Variants in TJP1 observed in about 807,000 individuals in gnomAD.
TJP1 encodes tight junction protein ZO-1.
Under a neutral mutation model 194.2 loss-of-function variants are expected in TJP1, and 43 were observed. The ratio of observed to expected loss-of-function variants is 0.22; its 90% CI spans 0.17 to 0.29. The LOEUF (loss-of-function observed/expected upper bound fraction) is 0.29, where lower values mean the gene tolerates loss of function less well. TJP1 is among the 10% of genes least tolerant of loss of function. TJP1 has a pLI of 1.00. For missense variants in TJP1, 1,971 were observed against 2,185.7 expected (o/e 0.90, Z 1.96); for synonymous variants, 801 against 779.0 (o/e 1.03, Z -0.47).
At chr15:29,773,910 A>T (rs1044609394) in intron 2 of TJP1, among the ~76,000 whole-genome samples, 17 of 152,250 alleles carry the variant, frequency 1.1e-4, no homozygotes, top group African/African-American at 4.1e-4. Flanking sequence ...CTAACATTGT[A>T]AAATTACCTT....
intron 2 of TJP1, among the ~76,000 whole-genome samples, chr15:29,903,173 T>C (rs1001290748): frequency 2.6e-5 from 4 of 151,992 alleles, no homozygotes; most frequent in Non-Finnish European, 5.9e-5. Flanking sequence ...TGGAGAAGGG[T>C]GAGCCAGGAG....
At chr15:29,732,159 C>A in intron 15 of TJP1, 1 of 399,064 alleles carries the variant, frequency 2.5e-6, no homozygotes. Flanking sequence ...TACTCCTTAC[C>A]TCAGAGCATG....
chr15:29,801,787 G>A (rs1452579920), intron 1 of TJP1, among the ~76,000 whole-genome samples: 2 of 151,954 alleles, frequency 1.3e-5, no homozygotes, highest in African/African-American at 4.8e-5. Flanking sequence ...CTAAGGCAGG[G>A]GTGTCCAATC....
chr15:29,912,580 C>T (rs1454466256), intron 2 of TJP1, among the ~76,000 whole-genome samples: 1 of 151,334 alleles, frequency 6.6e-6, no homozygotes. Flanking sequence ...GTAGTGCATG[C>T]CTGTAATCCT....
chr15:29,914,609 G>A (rs539056513), intron 2 of TJP1, among the ~76,000 whole-genome samples: 3 of 152,056 alleles, frequency 2.0e-5, no homozygotes, highest in Non-Finnish European at 4.4e-5. Flanking sequence ...AGAACCCCAC[G>A]GCCAGGGAGG....
chr15:29,779,294 T>C (rs183469180), intron 2 of TJP1, among the ~76,000 whole-genome samples: 27 of 152,318 alleles, frequency 1.8e-4, no homozygotes, highest in African/African-American at 6.3e-4. Flanking sequence ...TTTTCAAACA[T>C]GCATTCTATG....
chr15:29,941,940 G>C (rs1257794127), intron 2 of TJP1, among the ~76,000 whole-genome samples: 2 of 152,202 alleles, frequency 1.3e-5, no homozygotes, highest in African/African-American at 4.8e-5. Flanking sequence ...GCCGTGAGGA[G>C]GGAAGCGACT....
At position 29,945,739 on chromosome 15, in the gene TJP1, C is replaced by T. The variant is rs567716914; in HGVS notation, c.306+10493G>A. Among the ~76,000 whole-genome samples, 34 of 151,860 alleles carry T rather than the reference C, an allele frequency of 2.2e-4. 1 individual carries two copies. In the South Asian group the frequency reaches 2.3e-3, roughly 10 times the overall value. ...CTAGAAAGAACTATGAGGCAAGGAACGGAAATAGGAGTACCAGTGAGAACT... is the reference window on the plus strand; with the variant it reads ...CTAGAAAGAACTATGAGGCAAGGAATGGAAATAGGAGTACCAGTGAGAACT... On this transcript the variant is annotated intron_variant, in intron 2 of 28. Transcript: ENST00000356107.
At chr15:29,945,776 AAC>A (rs371167321) in intron 2 of TJP1, among the ~76,000 whole-genome samples, 8,321 of 149,806 alleles carry the variant, frequency 0.056, 665 homozygotes, top group African/African-American at 0.18. Context: ...AAGGCTATTA[AAC>A]ACACACACAC....
Position 29,864,121 on chromosome 15 carries a change from C to T in TJP1, c.307-63419G>A, listed in dbSNP as rs553603491. ...TTAAAAAGTTGTACCCGGCCGGGCG[C>T]GGTGGCTCACACCTGTAATCTCAGC... is the stretch of plus-strand genomic sequence containing the variant. On this transcript the variant is annotated intron_variant, in intron 2 of 28. Coordinates refer to the TJP1 transcript ENST00000356107. Among the ~76,000 whole-genome samples the T allele has an allele frequency of 9.3e-5, 14 of 151,342 alleles. No individual in the cohort carries two copies. In the East Asian group the frequency reaches 2.5e-3, roughly 27 times the overall value.
At chr15:29,727,012 A>G in intron 16 of TJP1, 21 bp from the exon 17 acceptor site, 1 of 1,601,204 alleles carries the variant, frequency 6.2e-7, no homozygotes, top group Non-Finnish European at 8.6e-7. Context: ...AAAGAAAAAT[A>G]TATACAAAGA....
intron 1 of TJP1, among the ~76,000 whole-genome samples, chr15:29,808,187 G>GA (rs1317434354): frequency 6.6e-6 from 1 of 152,194 alleles, no homozygotes; most frequent in Non-Finnish European, 1.5e-5. Context: ...AGAATCACTT[G>GA]AACCCAGGAG....
At chr15:29,863,211 G>A (rs1005582099) in intron 2 of TJP1, among the ~76,000 whole-genome samples, 5 of 151,868 alleles carry the variant, frequency 3.3e-5, no homozygotes, top group African/African-American at 1.2e-4. Context: ...CAGGAGAATC[G>A]CTTGAACCCA....
intron 2 of TJP1, among the ~76,000 whole-genome samples, chr15:29,853,022 T>C (rs1398264555): frequency 6.6e-6 from 1 of 152,182 alleles, no homozygotes; most frequent in Non-Finnish European, 1.5e-5. Flanking sequence ...AATAAGTGAA[T>C]GGTTAAACTG....
chr15:29,953,434 G>C (rs1483523988), intron 2 of TJP1, among the ~76,000 whole-genome samples: 1 of 152,022 alleles, frequency 6.6e-6, no homozygotes, highest in Non-Finnish European at 1.5e-5. Context: ...GAGCCACCAT[G>C]CCTGGCCAAA....
intron 24 of TJP1, 29 bp downstream of exon 24, chr15:29,710,802 G>A: frequency 1.2e-6 from 2 of 1,613,244 alleles, no homozygotes; most frequent in East Asian, 2.2e-5. Context: ...GCATTACTGT[G>A]TTAAAATGTC....
rs535649913 is a variant in TJP1, at chr15:29,926,175, T to TA, written c.306+30056dup. ...AAATAGAAGTGTTTTTGTGAACTTT[T>TA]AAAGTACAGTAAATAAGTCTAGAGT... On this transcript the variant is annotated intron_variant, in intron 2 of 28. Coordinates refer to the TJP1 transcript ENST00000356107. Among the ~76,000 whole-genome samples the TA allele has an allele frequency of 1.1e-3, 166 of 152,372 alleles. 3 individuals are homozygous for TA. The South Asian group carries it at 0.034, about 31-fold the overall frequency.
At position 29,701,693 on chromosome 15, in the gene TJP1, T is replaced by C. The variant is rs1186190050; in HGVS notation, c.5213-4A>G. ...TTTTGCCAGGTTTTAGGATCACCTATGAGAGAAAAGAAGTTGATGTCATTT... is the reference window on the plus strand; with the variant it reads ...TTTTGCCAGGTTTTAGGATCACCTACGAGAGAAAAGAAGTTGATGTCATTT... On this transcript the variant is annotated splice_region_variant and splice_polypyrimidine_tract_variant and intron_variant, in intron 27 of 27. Coordinates refer to ENST00000614355, the MANE Select transcript of TJP1 (RefSeq NM_001330239.4). The C allele has an allele frequency of 1.2e-5, 19 of 1,612,286 alleles. No individual in the cohort carries two copies. The highest frequency in any genetic ancestry group is 2.7e-5 in the African/African-American group (2 of 74,902).
At position 29,822,022 on chromosome 15, in the gene TJP1, C is replaced by T. The variant is rs1336010086; in HGVS notation, c.7G>A (p.Ala3Thr). The part of the protein sequence containing the change: MS[A>T]RAAAAKSTAM... ...CTCACCTTGGCGGCCGCAGCTCTGGCGGACATCTTGTCTCTCTCCAGCGCC... is the reference window on the plus strand; with the variant it reads ...CTCACCTTGGCGGCCGCAGCTCTGGTGGACATCTTGTCTCTCTCCAGCGCC... Residue 3 changes from alanine to threonine, a missense_variant, in exon 1 of 28, where the codon GCC becomes ACC. Ala to Thr is a moderately conservative substitution (Grantham distance 58, BLOSUM62 0). Transcript: ENST00000614355. 7.4e-7 allele frequency: 1 copy of T among 1,354,862 alleles called. No individual in the cohort carries two copies. The highest frequency in any genetic ancestry group is 2.7e-5 in the Admixed American group (1 of 36,772). 83.9% of individuals were successfully genotyped at this position (1,354,862 alleles called of 1,614,324 possible). A position where few individuals can be genotyped will look rare whatever the true frequency, so the allele number is the denominator to read the frequency against.
Sources: allele counts gnomAD v4.1 joint callset (sites outside exome capture counted in the v4.1 genomes callset), GRCh38; gene constraint gnomAD v4.1.1; transcripts MANE v1.5; gene names NCBI Gene and HGNC (gene_info 2026-07-23, HGNC 2026-07-21).